FAM83B: variants seen among roughly 807,000 people sequenced by gnomAD.
FAM83B encodes the protein scaffolding CK1 anchoring protein B, also known as protein FAM83B.
FAM83B carries 26 observed loss-of-function variants against 38.8 expected under a neutral mutation model. The ratio of observed to expected loss-of-function variants is 0.67; its 90% CI spans 0.49 to 0.93. The LOEUF (loss-of-function observed/expected upper bound fraction) is 0.93. Ranked by LOEUF, FAM83B falls within the 40% of genes least tolerant of loss-of-function variation. The pLI, the probability that FAM83B is intolerant of heterozygous loss-of-function variation, is 0.00. For missense variants in FAM83B, 1,237 were observed against 1,197.3 expected (o/e 1.03, Z -0.49); for synonymous variants, 419 against 423.1 (o/e 0.99, Z 0.12).
intron 1 of FAM83B, among the ~76,000 whole-genome samples, chr6:54,862,169 A>G (rs1771600639): frequency 6.6e-6 from 1 of 152,150 alleles, no homozygotes; most frequent in Non-Finnish European, 1.5e-5. Context: ...CATACATCAG[A>G]GTTATAATAG....
chr6:54,907,224 CTTA>C (rs1287301347), intron 2 of FAM83B, among the ~76,000 whole-genome samples: 5 of 152,068 alleles, frequency 3.3e-5, no homozygotes, highest in South Asian at 2.1e-4. Context: ...CTACATTAGT[CTTA>C]TTATGTTTTT....
At chr6:54,908,106 A>T (rs1772816964) in intron 2 of FAM83B, among the ~76,000 whole-genome samples, 1 of 148,924 alleles carries the variant, frequency 6.7e-6, no homozygotes. Context: ...CCAAATGGAG[A>T]TTTCTGCCTT....
At chr6:54,938,167 A>G (rs1473671650) in intron 4 of FAM83B, among the ~76,000 whole-genome samples, 1 of 152,140 alleles carries the variant, frequency 6.6e-6, no homozygotes, top group Non-Finnish European at 1.5e-5. Flanking sequence ...AATGGTCTCC[A>G]GTTCCATCCA....
At chr6:54,880,689 C>T (rs537495507) in intron 2 of FAM83B, among the ~76,000 whole-genome samples, 12 of 152,082 alleles carry the variant, frequency 7.9e-5, no homozygotes, top group South Asian at 4.2e-4. Flanking sequence ...GTGATCTGTC[C>T]GCCTCGGCCT....
intron 2 of FAM83B, among the ~76,000 whole-genome samples, chr6:54,917,399 A>C (rs1773069105): frequency 6.6e-6 from 1 of 152,168 alleles, no homozygotes; most frequent in Non-Finnish European, 1.5e-5. Flanking sequence ...TTTTCACTTA[A>C]GTGATTTTTT....
intron 2 of FAM83B, among the ~76,000 whole-genome samples, chr6:54,897,227 T>TAAAA (rs368282962): frequency 0.27 from 38,383 of 143,776 alleles, 7,002 homozygotes; most frequent in African/African-American, 0.53. Flanking sequence ...TGTTGTGATC[T>TAAAA]AAAAAAAAAA....
rs1336029125 is a variant in FAM83B at position 54,927,593 on chromosome 6, T to A, written c.695T>A (p.Leu232Ter). 6.2e-6 allele frequency: 10 copies of A among 1,608,188 alleles called. No individual in the cohort carries two copies. The highest frequency in any genetic ancestry group is 8.5e-6 in the Non-Finnish European group (10 of 1,176,452). Residue 232 changes from leucine to a stop codon, truncating the protein, a stop_gained, in exon 4 of 5, where the codon TTG (leucine) becomes TAG (stop). Transcript: ENST00000306858. LOFTEE classifies it low-confidence loss of function (END_TRUNC). ...KFHGKMEQKF[L>*]LVDCQKVMYG... The stretch of plus-strand genomic sequence containing the variant: ...CATGGAAAAATGGAACAGAAATTTT[T>A]GTTAGTTGACTGCCAGAAAGTGATG...
rs768907799 is a variant in FAM83B at position 54,941,446 on chromosome 6, T to A, written c.2475T>A (p.Asp825Glu). The change falls in exon 5 of 5, where the codon GAT (aspartate) becomes GAA (glutamate). Residue 825 changes from aspartate (D) to glutamate (E), a missense_variant. Asp to Glu is a conservative substitution (Grantham distance 45, BLOSUM62 2). Transcript: ENST00000306858. ...QKPKKSDTKV[D>E]SSPRRKHSSS... ...CAAAGAAATCAGACACAAAAGTTGA[T>A]TCATCTCCTAGAAGAAAGCATTCTT... 6 of 1,613,078 alleles carry A rather than the reference T, an allele frequency of 3.7e-6. No homozygotes were observed. Among genetic ancestry groups the A allele is most frequent in the South Asian group, 3.3e-5 (3 of 90,788 alleles).
intron 2 of FAM83B, among the ~76,000 whole-genome samples, chr6:54,923,195 A>C (rs768515701): frequency 9.9e-5 from 15 of 152,078 alleles, no homozygotes; most frequent in Non-Finnish European, 1.9e-4. Context: ...GTATATTTTA[A>C]AGATAAGATA....
chr6:54,899,600 GGTCCACTTCCTGGTTTT>G, intron 2 of FAM83B, among the ~76,000 whole-genome samples: 1 of 152,272 alleles, frequency 6.6e-6, no homozygotes, highest in Non-Finnish European at 1.5e-5. Flanking sequence ...GTCTGGTGAG[GGTCCACTTCCTGGTTTT>G]AGATGACTAG....
At chr6:54,849,805 T>C (rs1030534059) in intron 1 of FAM83B, among the ~76,000 whole-genome samples, 2 of 146,014 alleles carry the variant, frequency 1.4e-5, no homozygotes, top group African/African-American at 5.1e-5. Flanking sequence ...TCTTAAATAA[T>C]TTGTAGATTA....
chr6:54,870,218 G>C lies in FAM83B; in HGVS notation c.-29G>C. 6.4e-7 allele frequency: 1 copy of C among 1,572,082 alleles called. No individual in the cohort carries two copies. The highest frequency in any genetic ancestry group is 8.7e-7 in the Non-Finnish European group (1 of 1,146,896). On this transcript the variant is annotated 5_prime_UTR_variant, in exon 2 of 5. It removes the in-frame stop codon of an upstream open reading frame in the 5' UTR. Coordinates refer to ENST00000306858, the MANE Select transcript of FAM83B (RefSeq NM_001010872.3). ...CTCACCACTGCATGAATGGACATTT[G>C]AAAGTGCCATAGCCAAACACTTGCA... is the stretch of plus-strand genomic sequence containing the variant.
In FAM83B at chr6:54,866,432, T is replaced by C. The variant is rs186577086; in HGVS notation, c.-60-3755T>C. ...ATACTGTCAAGATATAGAATATTTC[T>C]ATAACTACAAAAATTCCTCTGATTG... On this transcript the variant is annotated intron_variant, in intron 1 of 4. Coordinates refer to ENST00000306858, the MANE Select transcript of FAM83B (RefSeq NM_001010872.3). Among the ~76,000 whole-genome samples, 6 of 152,260 alleles carry C rather than the reference T, an allele frequency of 3.9e-5. No homozygotes were observed. In the South Asian group the frequency reaches 6.2e-4, roughly 16 times the overall value.
rs9382395 is a variant in FAM83B, at chr6:54,891,949, A to C, written c.444+21259A>C. 3.4e-3 allele frequency among the ~76,000 whole-genome samples: 515 copies of C among 152,144 alleles called. 7 individuals carry two copies. The highest frequency in any genetic ancestry group is 0.032 in the East Asian group (163 of 5,162). On this transcript the variant is annotated intron_variant, in intron 2 of 4. Coordinates refer to ENST00000306858, the MANE Select transcript of FAM83B (RefSeq NM_001010872.3). ...CAGGATTATAGGTATGAGCCAGCAC[A>C]CCTGGCCACAGGCACTGGGTCTTGG...
chr6:54,862,414 C>T (rs1285130987), intron 1 of FAM83B, among the ~76,000 whole-genome samples: 2 of 152,100 alleles, frequency 1.3e-5, no homozygotes, highest in Non-Finnish European at 2.9e-5. Context: ...GGGAAGTAAC[C>T]CTTGCTGAGG....
intron 2 of FAM83B, 140 bp downstream of exon 2, chr6:54,870,830 A>G (rs1012039018): frequency 7.5e-6 from 6 of 795,130 alleles, no homozygotes; most frequent in Admixed American, 3.0e-5. Context: ...GTACCTATGG[A>G]TACACAGGAA....
chr6:54,894,448 C>A (rs2051920426), intron 2 of FAM83B, among the ~76,000 whole-genome samples: 1 of 152,082 alleles, frequency 6.6e-6, no homozygotes, highest in Non-Finnish European at 1.5e-5. Context: ...TGTAACTTAA[C>A]ATATTTGTGT....
chr6:54,876,637 T>C (rs1376949942), intron 2 of FAM83B, among the ~76,000 whole-genome samples: 1 of 151,966 alleles, frequency 6.6e-6, no homozygotes. Flanking sequence ...TATAATTTAT[T>C]TGATTGGGAG....
At chr6:54,933,448 T>G (rs892668841) in intron 4 of FAM83B, among the ~76,000 whole-genome samples, 2 of 152,126 alleles carry the variant, frequency 1.3e-5, no homozygotes, top group Non-Finnish European at 2.9e-5. Context: ...ATAGCAGTTA[T>G]TTTAAATATT....
Sources: gnomAD v4.1 joint callset for allele counts (sites outside exome capture counted in the v4.1 genomes callset) on GRCh38, gnomAD v4.1.1 for gene constraint, MANE v1.5 for transcripts, NCBI Gene and HGNC (gene_info 2026-07-23, HGNC 2026-07-21) for gene names.